Variants in RUNDC3B observed in about 807,000 individuals in gnomAD.
RUNDC3B encodes the protein RUN domain-containing protein 3B.
Under a neutral mutation model 58.4 loss-of-function variants are expected in RUNDC3B, and 33 were observed. The observed-to-expected ratio is 0.56, with a 90% CI of 0.43 to 0.75. The LOEUF is 0.75. Among genes scored for constraint, RUNDC3B ranks in the 30% least tolerant of loss-of-function variants. The pLI, the probability that RUNDC3B is intolerant of heterozygous loss-of-function variation, is 0.00. For synonymous variants in RUNDC3B, 193 were observed against 195.2 expected (o/e 0.99, Z 0.10); for missense variants, 501 against 535.7 (o/e 0.94, Z 0.64).
rs555428441 is a variant in RUNDC3B at position 87,820,491 on chromosome 7, C to A, written c.1225+4229C>A. ...GGAACTGGTACCATTCCTTCTGAAA[C>A]TATTCCAATCAATAGAAAAAGAGAG... On this transcript the variant is annotated intron_variant, in intron 10 of 10. Coordinates refer to ENST00000394654, the MANE Select transcript of RUNDC3B (RefSeq NM_001134405.2). 5.9e-5 allele frequency among the ~76,000 whole-genome samples: 9 copies of A among 152,284 alleles called. No individual in the cohort carries two copies. The East Asian group carries it at 1.5e-3, about 26-fold the overall frequency.
chr7:87,826,170 ACT>A (rs1837794534), intron 10 of RUNDC3B, among the ~76,000 whole-genome samples: 1 of 152,006 alleles, frequency 6.6e-6, no homozygotes, highest in African/African-American at 2.4e-5. Context: ...TTGAATTGTA[ACT>A]CTCACAATTC....
chr7:87,739,875 T>C lies in RUNDC3B; in HGVS notation c.543T>C (p.Asp181=), dbSNP rs535188625. 4 of 1,518,648 alleles carry C rather than the reference T, an allele frequency of 2.6e-6. No homozygotes were observed. In the Admixed American group the frequency reaches 5.1e-5, roughly 19 times the overall value. The allele number at this position is 1,518,648 out of a possible 1,614,324, so 94.1% of individuals were successfully genotyped here. A position where few individuals can be genotyped will look rare whatever the true frequency, so the allele number is the denominator to read the frequency against. Residue 181 remains aspartate, a synonymous_variant, in exon 5 of 11, where the codon GAT becomes GAC. Transcript: ENST00000394654. The stretch of plus-strand genomic sequence containing the variant: ...TGCTTCTAGGACTCAATGCTATTGA[T>C]TTCAGGTACTTAACCAAATGCATTC... ...AGMLLGLNAI[D]FSFCLKGEGL...
intron 10 of RUNDC3B, among the ~76,000 whole-genome samples, chr7:87,823,412 A>G (rs1049194723): frequency 1.3e-5 from 2 of 150,908 alleles, no homozygotes; most frequent in African/African-American, 4.9e-5. Context: ...TTTTATTTTT[A>G]TTTTTTTTAA....
At position 87,764,234 on chromosome 7, in the gene RUNDC3B, G is replaced by A. The variant is rs544293950; in HGVS notation, c.630-6347G>A. ...TCATAGTATCTGTGGTAAGACATGT[G>A]TAAGACTTGCTCCTTACATTCATTT... is the stretch of plus-strand genomic sequence containing the variant. On this transcript the variant is annotated intron_variant, in intron 6 of 10. Coordinates refer to ENST00000394654, the MANE Select transcript of RUNDC3B (RefSeq NM_001134405.2). Among the ~76,000 whole-genome samples, 81 of 151,916 alleles carry A rather than the reference G, an allele frequency of 5.3e-4. 1 individual carries two copies. The highest frequency in any genetic ancestry group is 1.8e-3 in the African/African-American group (74 of 41,536).
At chr7:87,635,855 T>C (rs1242614703) in intron 1 of RUNDC3B, among the ~76,000 whole-genome samples, 1 of 152,176 alleles carries the variant, frequency 6.6e-6, no homozygotes, top group African/African-American at 2.4e-5. Flanking sequence ...AGTATAGACC[T>C]TTTTGTGTTT....
rs547881612 is a variant in RUNDC3B, at chr7:87,741,061, C to T, written c.549-438C>T. Among the ~76,000 whole-genome samples the T allele has an allele frequency of 3.7e-3, 568 of 152,054 alleles. 4 individuals carry two copies. Among genetic ancestry groups the T allele is most frequent in the Non-Finnish European group, 5.4e-3 (366 of 67,968 alleles). ...CTCTACTAAAAATACAAAAATTACC[C>T]AGGCATGGTAGTGGGTGCCTGTAAT... On this transcript the variant is annotated intron_variant, in intron 5 of 10. Transcript: ENST00000394654.
At chr7:87,706,768 A>G (rs1254340074) in intron 3 of RUNDC3B, among the ~76,000 whole-genome samples, 2 of 152,158 alleles carry the variant, frequency 1.3e-5, no homozygotes, top group African/African-American at 4.8e-5. Flanking sequence ...CCACTGAACA[A>G]CAGACAAATG....
chr7:87,687,228 T>C (rs1827556707), intron 2 of RUNDC3B, among the ~76,000 whole-genome samples: 1 of 152,168 alleles, frequency 6.6e-6, no homozygotes, highest in South Asian at 2.1e-4. Context: ...ATCAGTCTTT[T>C]GATTTTTCTT....
intron 4 of RUNDC3B, among the ~76,000 whole-genome samples, chr7:87,733,151 T>C (rs771110443): frequency 3.2e-4 from 48 of 152,170 alleles, no homozygotes; most frequent in Admixed American, 7.9e-4. Flanking sequence ...TGCGTCTGTT[T>C]ATAGGCTCTC....
intron 2 of RUNDC3B, among the ~76,000 whole-genome samples, chr7:87,661,442 C>T (rs2130452480): frequency 6.6e-6 from 1 of 151,560 alleles, no homozygotes; most frequent in African/African-American, 2.4e-5. Context: ...CCTCTGGTAA[C>T]CATTATTTTA....
At chr7:87,671,306 C>T (rs998203722) in intron 2 of RUNDC3B, among the ~76,000 whole-genome samples, 8 of 152,144 alleles carry the variant, frequency 5.3e-5, no homozygotes, top group African/African-American at 1.4e-4. Flanking sequence ...TCCACTGCAG[C>T]GGCAGTCTCA....
intron 8 of RUNDC3B, among the ~76,000 whole-genome samples, chr7:87,801,712 T>G (rs1219232006): frequency 1.3e-5 from 2 of 152,192 alleles, no homozygotes; most frequent in Non-Finnish European, 2.9e-5. Flanking sequence ...GAGGTTGCAC[T>G]GAACTGAGAT....
chr7:87,714,254 T>C (rs1438799729), intron 4 of RUNDC3B, among the ~76,000 whole-genome samples: 1 of 152,092 alleles, frequency 6.6e-6, no homozygotes, highest in Non-Finnish European at 1.5e-5. Flanking sequence ...ACACACAAGA[T>C]AGTGAAAGCT....
intron 4 of RUNDC3B, among the ~76,000 whole-genome samples, chr7:87,737,930 A>C (rs1220124626): frequency 6.6e-6 from 1 of 152,158 alleles, no homozygotes; most frequent in Non-Finnish European, 1.5e-5. Flanking sequence ...TTAGTTTTTA[A>C]AAAATTTCTC....
chr7:87,787,045 A>T (rs1467848142), intron 8 of RUNDC3B, among the ~76,000 whole-genome samples: 1 of 152,200 alleles, frequency 6.6e-6, no homozygotes, highest in Non-Finnish European at 1.5e-5. Context: ...CAATTTTTAG[A>T]TAGGCATAAG....
intron 10 of RUNDC3B, among the ~76,000 whole-genome samples, chr7:87,829,670 T>C (rs1009174827): frequency 6.6e-6 from 1 of 152,090 alleles, no homozygotes; most frequent in African/African-American, 2.4e-5. Flanking sequence ...TTTGGTTCCA[T>C]ATGAACTGTA....
intron 6 of RUNDC3B, among the ~76,000 whole-genome samples, chr7:87,755,112 T>TC (rs1833291962): frequency 6.6e-6 from 1 of 151,202 alleles, no homozygotes; most frequent in South Asian, 2.1e-4. Context: ...AACTTCTGCC[T>TC]CCCGGGTTCA....
At chr7:87,821,638 C>A (rs1196405478) in intron 10 of RUNDC3B, among the ~76,000 whole-genome samples, 3 of 152,202 alleles carry the variant, frequency 2.0e-5, no homozygotes, top group African/African-American at 7.2e-5. Context: ...TGACTTCAAA[C>A]TATACTACAA....
At chr7:87,750,030 C>A (rs1029768255) in intron 6 of RUNDC3B, among the ~76,000 whole-genome samples, 1 of 151,848 alleles carries the variant, frequency 6.6e-6, no homozygotes, top group Admixed American at 6.6e-5. Flanking sequence ...CCTCCCCTCT[C>A]CCCCCACCCC....
Sources: allele counts gnomAD v4.1 joint callset (sites outside exome capture counted in the v4.1 genomes callset), GRCh38; gene constraint gnomAD v4.1.1; transcripts MANE v1.5; gene names NCBI Gene and HGNC (gene_info 2026-07-23, HGNC 2026-07-21).